ME1: variants seen among roughly 807,000 people sequenced by gnomAD.
ME1 encodes NADP-dependent malic enzyme.
In ME1, 74 loss-of-function variants were observed where a neutral mutation model predicts 66.4. The ratio of observed to expected loss-of-function variants is 1.11; its 90% confidence interval spans 0.92 to 1.35. The LOEUF (loss-of-function observed/expected upper bound fraction) is 1.35, where lower values mean the gene tolerates loss of function less well. Ranked by LOEUF, ME1 falls within the 40% of genes most tolerant of loss-of-function variation. ME1 has a pLI of 0.00. For missense variants in ME1, 750 were observed against 694.1 expected, an observed-to-expected ratio of 1.08 and a Z score of -0.90; for synonymous variants, 251 against 235.6, an observed-to-expected ratio of 1.07 and a Z score of -0.60.
intron 3 of ME1, among the ~76,000 whole-genome samples, chr6:83,372,813 C>A (rs1487358865): frequency 1.3e-5 from 2 of 152,070 alleles, no homozygotes; most frequent in Admixed American, 1.3e-4. Flanking sequence ...GAAAGTAAGG[C>A]AAAAGAACCA....
chr6:83,330,364 A>G (rs1768380306), intron 5 of ME1, among the ~76,000 whole-genome samples: 1 of 152,196 alleles, frequency 6.6e-6, no homozygotes, highest in Non-Finnish European at 1.5e-5. Context: ...CAAAGTAACC[A>G]TCACATTCAG....
At position 83,221,019 on chromosome 6, in the gene ME1, C is replaced by T. The variant is rs147859409; in HGVS notation, c.1449+2741G>A. Among the ~76,000 whole-genome samples the T allele has an allele frequency of 6.7e-3, 1,013 of 152,072 alleles. 9 individuals carry two copies. Among genetic ancestry groups the T allele is most frequent in the Middle Eastern group, 0.01 (3 of 294 alleles). ...ACTAAAAATACAAAAATTAGCTGGG[C>T]GTATTGGCATTGTGCCTGTAATCCC... is the stretch of plus-strand genomic sequence containing the variant. On this transcript the variant is annotated intron_variant, in intron 12 of 13. Coordinates refer to ENST00000369705, the MANE Select transcript of ME1 (RefSeq NM_002395.6).
intron 6 of ME1, among the ~76,000 whole-genome samples, chr6:83,286,022 G>A (rs774610426): frequency 2.0e-5 from 3 of 152,014 alleles, no homozygotes; most frequent in African/African-American, 7.2e-5. Context: ...TAAGATTTCC[G>A]AATTCAGAAT....
At chr6:83,225,714 A>G (rs1790185040) in intron 11 of ME1, among the ~76,000 whole-genome samples, 1 of 151,576 alleles carries the variant, frequency 6.6e-6, no homozygotes, top group Admixed American at 6.6e-5. Context: ...AGCAGATAAA[A>G]CATTTTGTTA....
chr6:83,367,876 C>A, intron 3 of ME1, among the ~76,000 whole-genome samples: 1 of 152,184 alleles, frequency 6.6e-6, no homozygotes, highest in East Asian at 1.9e-4. Flanking sequence ...CCTTTGCATT[C>A]ACAACTTGGA....
In ME1 at chr6:83,405,729, T is replaced by G. The variant is rs542253373; in HGVS notation, c.212+2039A>C. Among the ~76,000 whole-genome samples, 13 of 149,254 alleles carry G rather than the reference T, an allele frequency of 8.7e-5. No homozygotes were observed. The South Asian group carries it at 2.7e-3, about 32-fold the overall frequency. ...TTTTTTGTTGTTGTTGTTGTTTTTT[T>G]TTTTTTTTTTGAGACGGAGTCTCGC... On this transcript the variant is annotated intron_variant, in intron 2 of 13. Coordinates refer to ENST00000369705, the MANE Select transcript of ME1 (RefSeq NM_002395.6).
chr6:83,298,774 T>G (rs187288152), intron 6 of ME1, among the ~76,000 whole-genome samples: 205 of 152,026 alleles, frequency 1.3e-3, no homozygotes, highest in African/African-American at 4.7e-3. Flanking sequence ...AGTTTCAGTT[T>G]TCTGCATATG....
Position 83,253,671 on chromosome 6 carries a change from T to G in ME1, c.772A>C (p.Lys258Gln), listed in dbSNP as rs1337022879. Residue 258 changes from lysine to glutamine, a missense_variant, in exon 7 of 14, where the codon AAG (lysine) becomes CAG (glutamine). Lys to Gln is a moderately conservative substitution (Grantham distance 53). Transcript: ENST00000369705. Reference protein sequence around the residue: ...ANVNAFRLLNKYRNQYCTFND... With the variant: ...ANVNAFRLLNQYRNQYCTFND... ...AATGTGCAATACTGGTTTCGATACT[T>G]GTTCAGGAGACGAAATGCATTCACA... 1 of 1,612,214 alleles carries G rather than the reference T, an allele frequency of 6.2e-7. No homozygotes were observed. The highest frequency in any genetic ancestry group is 2.2e-5 in the East Asian group (1 of 44,760).
At chr6:83,316,441 T>G (rs1453130659) in intron 5 of ME1, among the ~76,000 whole-genome samples, 3 of 152,080 alleles carry the variant, frequency 2.0e-5, no homozygotes, top group Non-Finnish European at 4.4e-5. Context: ...ATAAAGGACA[T>G]CTATGAAAAT....
chr6:83,247,207 T>C (rs1054845268), intron 7 of ME1, among the ~76,000 whole-genome samples: 12 of 152,250 alleles, frequency 7.9e-5, no homozygotes, highest in African/African-American at 2.9e-4. Context: ...TTCCAGAGGC[T>C]ACTATGAGAA....
At chr6:83,373,785 G>A (rs1439882121) in intron 3 of ME1, among the ~76,000 whole-genome samples, 3 of 151,998 alleles carry the variant, frequency 2.0e-5, no homozygotes, top group Non-Finnish European at 4.4e-5. Context: ...ACAGGCCCTG[G>A]TGTGTGTTGT....
intron 3 of ME1, 50 bp downstream of exon 3, chr6:83,398,317 A>G (rs1438775589): frequency 3.8e-6 from 5 of 1,328,042 alleles, no homozygotes; most frequent in Non-Finnish European, 5.1e-6. Flanking sequence ...TAAAAAACTT[A>G]CAAAAATAAA....
chr6:83,331,944 T>A (rs1363822359), intron 5 of ME1, among the ~76,000 whole-genome samples: 1 of 152,116 alleles, frequency 6.6e-6, no homozygotes, highest in Non-Finnish European at 1.5e-5. Context: ...TCAATATTAG[T>A]CATATACAAG....
At position 83,352,075 on chromosome 6, in the gene ME1, C is replaced by A; in HGVS notation, c.427G>T (p.Asp143Tyr). The change falls in exon 4 of 14, where the codon GAT (aspartate) becomes TAT (tyrosine). Residue 143 changes from aspartate to tyrosine, a missense_variant. Physicochemically the swap from Asp to Tyr is radical, Grantham distance 160. Coordinates refer to ENST00000369705, the MANE Select transcript of ME1 (RefSeq NM_002395.6). ...ACATGATAACTTACCTTGATGACAT[C>A]TTCTGGCCATGCATTGAGAACTGAA... ...IASVLNAWPE[D>Y]VIKAIVVTDG... 1 of 1,587,120 alleles carries A rather than the reference C, an allele frequency of 6.3e-7. No individual in the cohort carries two copies. The highest frequency in any genetic ancestry group is 8.6e-7 in the Non-Finnish European group (1 of 1,165,442).
intron 2 of ME1, among the ~76,000 whole-genome samples, chr6:83,404,773 C>T (rs1399521463): frequency 2.0e-5 from 3 of 152,166 alleles, no homozygotes; most frequent in East Asian, 1.9e-4. Context: ...AATCCTTTCT[C>T]CATTGCTTGT....
At chr6:83,428,385 C>G (rs1159638505) in intron 1 of ME1, among the ~76,000 whole-genome samples, 2 of 152,088 alleles carry the variant, frequency 1.3e-5, no homozygotes, top group African/African-American at 2.4e-5. Flanking sequence ...GAAGGTGTCT[C>G]TTTCATATAT....
At chr6:83,321,834 T>C (rs1768182204) in intron 5 of ME1, among the ~76,000 whole-genome samples, 1 of 152,234 alleles carries the variant, frequency 6.6e-6, no homozygotes, top group African/African-American at 2.4e-5. Context: ...AGTGGGTCCC[T>C]GATTCTTGTG....
chr6:83,374,701 T>C (rs911406493), intron 3 of ME1, among the ~76,000 whole-genome samples: 2 of 152,198 alleles, frequency 1.3e-5, no homozygotes, highest in African/African-American at 4.8e-5. Context: ...ATTACCTAGA[T>C]TTTCTTCTAG....
At chr6:83,388,275 G>A (rs544987256) in intron 3 of ME1, among the ~76,000 whole-genome samples, 11 of 151,972 alleles carry the variant, frequency 7.2e-5, no homozygotes, top group Admixed American at 2.6e-4. Flanking sequence ...CTGTAAAGAC[G>A]GGGTTTCACC....
Sources: allele counts gnomAD v4.1 joint callset (sites outside exome capture counted in the v4.1 genomes callset), GRCh38; gene constraint gnomAD v4.1.1; transcripts MANE v1.5; gene names NCBI Gene and HGNC (gene_info 2026-07-23, HGNC 2026-07-21).